The following TMPRSS15 variants were observed in gnomAD, a reference collection of about 807,000 sequenced individuals.
TMPRSS15 encodes enteropeptidase.
Under a neutral mutation model 125.3 loss-of-function variants are expected in TMPRSS15, and 128 were observed. That is an observed-to-expected ratio of 1.02 (90% CI 0.89 to 1.18). The LOEUF (loss-of-function observed/expected upper bound fraction) is 1.18, where lower values mean the gene tolerates loss of function less well. Among genes scored for constraint, TMPRSS15 ranks in the 50% most tolerant of loss-of-function variants. The pLI, the probability that TMPRSS15 is intolerant of heterozygous loss-of-function variation, is 0.00. For missense variants in TMPRSS15, 1,283 were observed against 1,212.7 expected, an observed-to-expected ratio of 1.06 and a Z score of -0.86; for synonymous variants, 446 against 423.2, an observed-to-expected ratio of 1.05 and a Z score of -0.66.
chr21:18,454,779 C>A (rs1978408937), intron 1 of TMPRSS15, among the ~76,000 whole-genome samples: 1 of 152,138 alleles, frequency 6.6e-6, no homozygotes, highest in Non-Finnish European at 1.5e-5. Context: ...TTGGTAAGGG[C>A]AGATCTTCTT....
chr21:18,468,774 C>A (rs1371406116), intron 1 of TMPRSS15, among the ~76,000 whole-genome samples: 1 of 152,116 alleles, frequency 6.6e-6, no homozygotes, highest in African/African-American at 2.4e-5. Context: ...TGGGTATACA[C>A]TTTGTCCCCT....
intron 6 of TMPRSS15, among the ~76,000 whole-genome samples, chr21:18,371,694 TAAAAG>T (rs2075793496): frequency 6.6e-6 from 1 of 152,016 alleles, no homozygotes; most frequent in Non-Finnish European, 1.5e-5. Flanking sequence ...AAGAGGCAAA[TAAAAG>T]GAACAGTCAA....
intron 22 of TMPRSS15, 116 bp from the exon 23 acceptor site, chr21:18,279,175 T>A: frequency 1.5e-6 from 1 of 663,682 alleles, no homozygotes; most frequent in African/African-American, 1.8e-5. Flanking sequence ...AACATGTATT[T>A]TTTTTTTTAA....
rs1435088987 is a variant in TMPRSS15 at position 18,270,041 on chromosome 21, G to C, written c.2988C>G (p.Ala996=). 6.2e-7 allele frequency: 1 copy of C among 1,613,830 alleles called. No individual in the cohort carries two copies. The highest frequency in any genetic ancestry group is 1.1e-5 in the South Asian group (1 of 91,068). ...CATACACTCCGGGGCGATTAGGCAG[G>C]GCACACTTGTATCCAAATGAGGTCA... The part of the protein sequence containing the change: ...AGVTSFGYKC[A]LPNRPGVYAR... The change falls in exon 25 of 25, where the codon GCC becomes GCG. Residue 996 remains alanine, a synonymous_variant. Coordinates refer to ENST00000284885, the MANE Select transcript of TMPRSS15 (RefSeq NM_002772.3).
chr21:18,353,975 A>G, intron 8 of TMPRSS15, 112 bp from the exon 9 acceptor site: 1 of 935,374 alleles, frequency 1.1e-6, no homozygotes, highest in Admixed American at 2.0e-5. Context: ...CTATACAAAT[A>G]TCTATCTGAT....
chr21:18,432,030 C>G (rs960830048), intron 1 of TMPRSS15, among the ~76,000 whole-genome samples: 1 of 152,090 alleles, frequency 6.6e-6, no homozygotes, highest in African/African-American at 2.4e-5. Flanking sequence ...TTACATTTAT[C>G]TTCATCTTCA....
chr21:18,337,458 G>C (rs956039556), intron 13 of TMPRSS15, among the ~76,000 whole-genome samples: 2 of 152,142 alleles, frequency 1.3e-5, no homozygotes, highest in East Asian at 3.9e-4. Flanking sequence ...AAATTGGCTT[G>C]ATCATCACGT....
At chr21:18,380,586 T>C in intron 4 of TMPRSS15, 1 of 470,796 alleles carries the variant, frequency 2.1e-6, no homozygotes, top group Non-Finnish European at 4.4e-6. Flanking sequence ...CCAAAGATGC[T>C]GGAATAACGT....
chr21:18,466,490 G>A (rs1366357698), intron 1 of TMPRSS15, among the ~76,000 whole-genome samples: 1 of 151,680 alleles, frequency 6.6e-6, no homozygotes, highest in East Asian at 1.9e-4. Context: ...CTACAGAATG[G>A]GAGAAAATTT....
intron 18 of TMPRSS15, among the ~76,000 whole-genome samples, chr21:18,304,655 C>G (rs2075010610): frequency 6.6e-6 from 1 of 152,098 alleles, no homozygotes; most frequent in African/African-American, 2.4e-5. Flanking sequence ...ATATTCATAT[C>G]ATATTGCAGT....
intron 6 of TMPRSS15, among the ~76,000 whole-genome samples, chr21:18,371,080 C>T (rs2075787521): frequency 6.6e-6 from 1 of 152,072 alleles, no homozygotes; most frequent in African/African-American, 2.4e-5. Flanking sequence ...CTCCCCTTAT[C>T]CACAGGGGAT....
intron 6 of TMPRSS15, among the ~76,000 whole-genome samples, chr21:18,371,436 T>C (rs1014498462): frequency 2.0e-5 from 3 of 152,154 alleles, no homozygotes; most frequent in African/African-American, 7.2e-5. Flanking sequence ...TCTAGTAAAC[T>C]TTTCTAAGTG....
intron 3 of TMPRSS15, among the ~76,000 whole-genome samples, chr21:18,384,494 G>T (rs2075924179): frequency 6.6e-6 from 1 of 152,022 alleles, no homozygotes; most frequent in Admixed American, 6.6e-5. Flanking sequence ...TTTATCCCCT[G>T]CTCTGTACCA....
At chr21:18,465,289 C>G (rs1978637462) in intron 1 of TMPRSS15, among the ~76,000 whole-genome samples, 2 of 152,106 alleles carry the variant, frequency 1.3e-5, no homozygotes, top group African/African-American at 4.8e-5. Flanking sequence ...TTATGACAAA[C>G]CCACAGCCAA....
intron 4 of TMPRSS15, 61 bp from the exon 5 acceptor site, chr21:18,379,379 A>G (rs1014877839): frequency 1.1e-5 from 8 of 743,396 alleles, no homozygotes; most frequent in Admixed American, 1.0e-4. Context: ...CCAGGAATTT[A>G]TTGTATATTC....
At chr21:18,275,173 C>G (rs1313740784) in intron 24 of TMPRSS15, 24 bp downstream of exon 24, 15 of 1,612,600 alleles carry the variant, frequency 9.3e-6, no homozygotes, top group South Asian at 1.1e-5. Context: ...TGAAAAGGTA[C>G]AGTGAGCAGT....
intron 3 of TMPRSS15, among the ~76,000 whole-genome samples, chr21:18,393,745 C>A (rs1358050569): frequency 6.6e-6 from 1 of 152,062 alleles, no homozygotes; most frequent in Non-Finnish European, 1.5e-5. Flanking sequence ...TTACTCATGC[C>A]TAATTTATTA....
chr21:18,432,574 C>T (rs2076218355), intron 1 of TMPRSS15, among the ~76,000 whole-genome samples: 2 of 152,100 alleles, frequency 1.3e-5, no homozygotes, highest in African/African-American at 4.8e-5. Context: ...CACAGAAATA[C>T]AGGAAGAATG....
intron 10 of TMPRSS15, among the ~76,000 whole-genome samples, chr21:18,347,127 C>T (rs1413234349): frequency 4.6e-5 from 7 of 151,974 alleles, no homozygotes; most frequent in Admixed American, 4.6e-4. Flanking sequence ...TCATTTAAAT[C>T]AAACTGTCAT....
Sources: gnomAD v4.1 joint callset for allele counts (sites outside exome capture counted in the v4.1 genomes callset) on GRCh38, gnomAD v4.1.1 for gene constraint, MANE v1.5 for transcripts, NCBI Gene and HGNC (gene_info 2026-07-23, HGNC 2026-07-21) for gene names.